Variants in TJP1 observed in about 807,000 individuals in gnomAD.
The protein encoded by TJP1 is tight junction protein 1.
Under a neutral mutation model 194.2 loss-of-function variants are expected in TJP1, and 43 were observed. That is an observed-to-expected ratio of 0.22 (90% confidence interval 0.17 to 0.29). TJP1 has a LOEUF of 0.29. Ranked by LOEUF, TJP1 falls within the 10% of genes least tolerant of loss-of-function variation. The probability of loss-of-function intolerance (pLI) is 1.00; values close to 1 mark genes in which losing one functional copy is unlikely to be tolerated. For missense variants in TJP1, 1,971 were observed against 2,185.7 expected, an observed-to-expected ratio of 0.90 and a Z score of 1.96; for synonymous variants, 801 against 779.0, an observed-to-expected ratio of 1.03 and a Z score of -0.47.
chr15:29,954,002 A>C (rs2055851408), intron 2 of TJP1, among the ~76,000 whole-genome samples: 1 of 152,188 alleles, frequency 6.6e-6, no homozygotes, highest in Admixed American at 6.5e-5. Flanking sequence ...TTTAACATCA[A>C]TGTTAAAATG....
In TJP1 at chr15:29,846,158, C is replaced by T. The variant is rs747087056; in HGVS notation, c.307-45456G>A. On this transcript the variant is annotated intron_variant, in intron 2 of 28. Transcript: ENST00000356107. ...CTGCACTCAACTGATCTTTAAGAGA[C>T]CCATCACCATAACCTCTCCTGCTTA... 3.3e-5 allele frequency among the ~76,000 whole-genome samples: 5 copies of T among 152,152 alleles called. 1 individual carries two copies. The highest frequency in any genetic ancestry group is 7.3e-5 in the Non-Finnish European group (5 of 68,032).
intron 2 of TJP1, among the ~76,000 whole-genome samples, chr15:29,912,387 A>G (rs1719033): frequency 0.21 from 31,830 of 152,166 alleles, 3,618 homozygotes; most frequent in African/African-American, 0.3. Context: ...TGTTAATTGT[A>G]GTGAAAAACA....
intron 2 of TJP1, among the ~76,000 whole-genome samples, chr15:29,943,686 T>C (rs1567218451): frequency 6.9e-6 from 1 of 144,810 alleles, no homozygotes; most frequent in Non-Finnish European, 1.5e-5. Flanking sequence ...TGGTGGCTTA[T>C]GCCTGTAATC....
rs76452243 is a variant in TJP1, at chr15:29,908,149, A to G, written c.306+48083T>C. 6.1e-3 allele frequency among the ~76,000 whole-genome samples: 918 copies of G among 151,308 alleles called. 12 individuals carry two copies. The highest frequency in any genetic ancestry group is 0.022 in the African/African-American group (886 of 41,148). ...AGATAAAAGGTCCAACATGAGAAGA[A>G]GAAAATGTTTCCCAAATTTCGAAGG... On this transcript the variant is annotated intron_variant, in intron 2 of 28. Transcript: ENST00000356107.
chr15:29,964,401 T>C (rs1365015466), intron 1 of TJP1, among the ~76,000 whole-genome samples: 1 of 21,360 alleles, frequency 4.7e-5, no homozygotes, highest in Admixed American at 6.2e-4. Context: ...AAATTAAAAG[T>C]TTTAGTCTTT....
intron 1 of TJP1, among the ~76,000 whole-genome samples, chr15:29,809,935 A>G (rs949525941): frequency 6.6e-6 from 1 of 152,236 alleles, no homozygotes; most frequent in Non-Finnish European, 1.5e-5. Context: ...TACTTTTAAA[A>G]AAGACATCTT....
intron 2 of TJP1, among the ~76,000 whole-genome samples, chr15:29,850,908 T>C (rs2051618667): frequency 1.3e-5 from 2 of 151,944 alleles, no homozygotes; most frequent in South Asian, 2.1e-4. Flanking sequence ...GAGGCCGAGG[T>C]AGGTGAATCA....
At chr15:29,738,089 C>T (rs2151306505) in intron 10 of TJP1, among the ~76,000 whole-genome samples, 1 of 152,228 alleles carries the variant, frequency 6.6e-6, no homozygotes, top group South Asian at 2.1e-4. Context: ...GCATACACAC[C>T]CACCTCTAGC....
At chr15:29,909,225 C>T (rs956832211) in intron 2 of TJP1, among the ~76,000 whole-genome samples, 17 of 150,442 alleles carry the variant, frequency 1.1e-4, no homozygotes, top group African/African-American at 4.2e-4. Flanking sequence ...GTAGTCCCAG[C>T]TACTTGGGAG....
chr15:29,887,282 A>G (rs569779809), intron 2 of TJP1, among the ~76,000 whole-genome samples: 3,529 of 148,090 alleles, frequency 0.024, 60 homozygotes, highest in Middle Eastern at 0.043. Flanking sequence ...TACATATATA[A>G]TATAAATATA....
intron 2 of TJP1, among the ~76,000 whole-genome samples, chr15:29,881,266 G>A (rs2052918092): frequency 6.6e-6 from 1 of 152,174 alleles, no homozygotes; most frequent in East Asian, 1.9e-4. Context: ...GTCTGTTCAA[G>A]TCCTTTGCCC....
chr15:29,895,688 C>T (rs953055533), intron 2 of TJP1, among the ~76,000 whole-genome samples: 3 of 152,166 alleles, frequency 2.0e-5, no homozygotes, highest in African/African-American at 4.8e-5. Flanking sequence ...TTCTAGCATG[C>T]ACCTCAAAAC....
At chr15:29,704,590 T>C (rs895234802) in intron 26 of TJP1, among the ~76,000 whole-genome samples, 1 of 152,254 alleles carries the variant, frequency 6.6e-6, no homozygotes, top group Non-Finnish European at 1.5e-5. Context: ...ATGTAATCAA[T>C]ATATGAAATC....
chr15:29,787,816 T>C (rs1459853875), intron 2 of TJP1, among the ~76,000 whole-genome samples: 1 of 152,192 alleles, frequency 6.6e-6, no homozygotes, highest in Non-Finnish European at 1.5e-5. Flanking sequence ...TATGTAGACA[T>C]TTGCTTTCAT....
At position 29,748,564 on chromosome 15, in the gene TJP1, C is replaced by CTTT. The variant is rs61364565; in HGVS notation, c.1011-5786_1011-5784dup. Among the ~76,000 whole-genome samples the CTTT allele has an allele frequency of 9.4e-4, 69 of 73,390 alleles. 4 individuals are homozygous for CTTT. The highest frequency in any genetic ancestry group is 2.9e-3 in the South Asian group (4 of 1,384). 48.1% of individuals were successfully genotyped at this position (73,390 alleles called of 152,430 possible). On this transcript the variant is annotated intron_variant, in intron 8 of 27. Coordinates refer to ENST00000614355, the MANE Select transcript of TJP1 (RefSeq NM_001330239.4). ...ACATTTTTCCCAAACCTTCCTAATT[C>CTTT]TTTTTTTTTTTTTTTTTTTTTTTTT... is the stretch of plus-strand genomic sequence containing the variant.
At chr15:29,808,339 G>A (rs1183999406) in intron 1 of TJP1, among the ~76,000 whole-genome samples, 1 of 152,194 alleles carries the variant, frequency 6.6e-6, no homozygotes, top group African/African-American at 2.4e-5. Context: ...TTACCTTTGT[G>A]TATGAAGTAA....
At position 29,832,043 on chromosome 15, in the gene TJP1, A is replaced by T. The variant is rs146549401; in HGVS notation, c.307-31341T>A. 7.9e-4 allele frequency among the ~76,000 whole-genome samples: 121 copies of T among 152,290 alleles called. 1 individual carries two copies. The East Asian group carries it at 0.021, about 26-fold the overall frequency. On this transcript the variant is annotated intron_variant, in intron 2 of 28. Transcript: ENST00000356107. Reference sequence around the variant, plus strand: ...CAGCTAAAATAGGTAGACTGTAAATAATTGCCATACATTATTCCTGTCCCT... The same window carrying T: ...CAGCTAAAATAGGTAGACTGTAAATTATTGCCATACATTATTCCTGTCCCT...
intron 2 of TJP1, among the ~76,000 whole-genome samples, chr15:29,950,800 G>A (rs1307914600): frequency 6.6e-6 from 1 of 152,180 alleles, no homozygotes; most frequent in African/African-American, 2.4e-5. Flanking sequence ...TCAAAAGGCA[G>A]TTTTGTGTCA....
At chr15:29,738,949 T>TG (rs2044216983) in intron 10 of TJP1, among the ~76,000 whole-genome samples, 2 of 143,810 alleles carry the variant, frequency 1.4e-5, no homozygotes, top group Non-Finnish European at 3.0e-5. Context: ...AAGGCTGAGG[T>TG]GGGAGGATTC....
Sources: gnomAD v4.1 joint callset for allele counts (sites outside exome capture counted in the v4.1 genomes callset) on GRCh38, gnomAD v4.1.1 for gene constraint, MANE v1.5 for transcripts, NCBI Gene and HGNC (gene_info 2026-07-23, HGNC 2026-07-21) for gene names.